Variants in DNAH5 observed in about 807,000 individuals in gnomAD.
DNAH5 encodes the protein dynein axonemal heavy chain 5.
A neutral mutation model predicts 518.2 loss-of-function variants in DNAH5; 372 were observed. The ratio of observed to expected loss-of-function variants is 0.72; its 90% confidence interval spans 0.66 to 0.78. The LOEUF (loss-of-function observed/expected upper bound fraction) is 0.78, where lower values mean the gene tolerates loss of function less well. Ranked by LOEUF, DNAH5 falls within the 30% of genes least tolerant of loss-of-function variation. The pLI, the probability that DNAH5 is intolerant of heterozygous loss-of-function variation, is 0.00. For synonymous variants in DNAH5, 2,039 were observed against 2,025.9 expected, an observed-to-expected ratio of 1.01 and a Z score of -0.17; for missense variants, 5,523 against 5,687.0, an observed-to-expected ratio of 0.97 and a Z score of 0.93.
At position 13,841,013 on chromosome 5, in the gene DNAH5, T is replaced by C; in HGVS notation, c.5602A>G (p.Asn1868Asp). ...CTCGTGGTGACGTCTATCAATGTAT[T>C]GAGTAGCTCCAGGAAAGCCTGATTA... ...KTNQAFLELL[N>D]TLIDVTTRDL... The change falls in exon 34 of 79, where the codon AAT becomes GAT. Residue 1868 changes from asparagine to aspartate, a missense_variant. Physicochemically the swap from Asn to Asp is conservative, Grantham distance 23. Coordinates refer to ENST00000265104, the MANE Select transcript of DNAH5 (RefSeq NM_001369.3). 6.2e-7 allele frequency: 1 copy of C among 1,614,194 alleles called. No individual in the cohort carries two copies. Among genetic ancestry groups the C allele is most frequent in the Non-Finnish European group, 8.5e-7 (1 of 1,180,012 alleles).
rs144042531 is a variant in DNAH5 at position 13,769,431 on chromosome 5, G to A, written c.9720+70C>T. The A allele has an allele frequency of 3.5e-4, 419 of 1,204,532 alleles. 2 individuals are homozygous for A. In the African/African-American group the frequency reaches 5.6e-3, roughly 16 times the overall value. 74.6% of individuals were successfully genotyped at this position (1,204,532 alleles called of 1,614,324 possible). The stretch of plus-strand genomic sequence containing the variant: ...TTCACTAGTTATAGCCAGTGAATAT[G>A]CATAGATCATTAACACTTGTGAACT... On this transcript the variant is annotated intron_variant, in intron 57 of 78. Transcript: ENST00000265104.
rs753397685 is a variant in DNAH5 at position 13,867,884 on chromosome 5, C to G, written c.3943G>C (p.Glu1315Gln). Residue 1315 changes from glutamate to glutamine, a missense_variant, in exon 25 of 79, where the codon GAA becomes CAA. Glu to Gln is a conservative substitution (Grantham distance 29). Coordinates refer to ENST00000265104, the MANE Select transcript of DNAH5 (RefSeq NM_001369.3). ...AGTGAGACTAATTTATTCTGGACTT[C>G]GCCAGCACGTGCCAGCAGCTTCTCC... ...AWEKLLARAG[E>Q]VQNKLVSLQP... The G allele has an allele frequency of 1.9e-6, 3 of 1,614,048 alleles. No individual in the cohort carries two copies. The highest frequency in any genetic ancestry group is 1.1e-5 in the South Asian group (1 of 91,076).
At position 13,902,121 on chromosome 5, in the gene DNAH5, G is replaced by A. The variant is rs2151964133; in HGVS notation, c.1662C>T (p.Phe554=). 1 of 1,607,872 alleles carries A rather than the reference G, an allele frequency of 6.2e-7. No individual in the cohort carries two copies. The highest frequency in any genetic ancestry group is 1.1e-5 in the South Asian group (1 of 90,564). ...GAATCTTTGCAAATGTAACATCCATGAACTTCCGCAACTCGTTCTAAAACA... is the reference window on the plus strand; with the variant it reads ...GAATCTTTGCAAATGTAACATCCATAAACTTCCGCAACTCGTTCTAAAACA... The part of the protein sequence containing the change: ...TNDLHNELRK[F]MDVTFAKIQN... The change falls in exon 13 of 79, where the codon TTC becomes TTT. Residue 554 remains phenylalanine, a synonymous_variant. Coordinates refer to ENST00000265104, the MANE Select transcript of DNAH5 (RefSeq NM_001369.3).
intron 1 of DNAH5, among the ~76,000 whole-genome samples, chr5:14,002,620 A>G (rs922034693): frequency 7.9e-6 from 1 of 126,460 alleles, no homozygotes; most frequent in African/African-American, 2.9e-5. Context: ...ATAGATCCAT[A>G]TTTTCAAAAT....
rs771438623 is a variant in DNAH5 at position 13,768,955 on chromosome 5, T to G, written c.9897+5A>C. 26 of 1,614,008 alleles carry G rather than the reference T, an allele frequency of 1.6e-5. No individual in the cohort carries two copies. Among genetic ancestry groups the G allele is most frequent in the Non-Finnish European group, 2.2e-5 (26 of 1,179,976 alleles). On this transcript the variant is annotated splice_donor_5th_base_variant and intron_variant, in intron 58 of 78. Transcript: ENST00000265104. The stretch of plus-strand genomic sequence containing the variant: ...GCTGACATCTGTTATATCACATAGA[T>G]GCACCTGCAATGCAGCTTCTGCCTC...
chr5:14,011,323 T>C (rs1430209825), intron 1 of DNAH5, among the ~76,000 whole-genome samples: 1 of 152,104 alleles, frequency 6.6e-6, no homozygotes. Flanking sequence ...AGACAACCAA[T>C]GGCCTTTTCA....
In DNAH5 at chr5:13,811,282, T is replaced by C. The variant is rs117633176; in HGVS notation, c.7407+365A>G. On this transcript the variant is annotated intron_variant, in intron 44 of 78. Transcript: ENST00000265104. ...GTGGTTATTACACATAGCATACCAG[T>C]ATCAAAATATCTCATGTACCCCATA... 8.7e-4 allele frequency among the ~76,000 whole-genome samples: 133 copies of C among 152,338 alleles called. No individual in the cohort carries two copies. The East Asian group carries it at 0.021, about 24-fold the overall frequency.
At chr5:13,749,894 G>A (rs928283200) in intron 65 of DNAH5, among the ~76,000 whole-genome samples, 4 of 152,234 alleles carry the variant, frequency 2.6e-5, no homozygotes, top group Non-Finnish European at 2.9e-5. Context: ...TTTTGAAGGC[G>A]GTCATTACCA....
chr5:13,713,738 C>T (rs114015854), intron 75 of DNAH5, among the ~76,000 whole-genome samples: 2,115 of 151,524 alleles, frequency 0.014, 48 homozygotes, highest in African/African-American at 0.049. Flanking sequence ...TATGGTGCAT[C>T]GCATACTGCT....
intron 35 of DNAH5, among the ~76,000 whole-genome samples, chr5:13,831,673 A>T (rs951501844): frequency 1.1e-4 from 16 of 152,202 alleles, no homozygotes; most frequent in African/African-American, 3.4e-4. Flanking sequence ...ATGTATGCAG[A>T]GTCTGGATAC....
chr5:13,859,844 G>A (rs1017576625), intron 29 of DNAH5, among the ~76,000 whole-genome samples: 10 of 152,088 alleles, frequency 6.6e-5, no homozygotes, highest in Non-Finnish European at 1.2e-4. Context: ...TATAATCTAA[G>A]GAGTAGATCA....
At chr5:13,975,173 C>G (rs180303) in intron 1 of DNAH5, among the ~76,000 whole-genome samples, 31,665 of 152,012 alleles carry the variant, frequency 0.21, 4,496 homozygotes, top group African/African-American at 0.4. Context: ...GGCTGGGGAG[C>G]CCTCACAATT....
At chr5:13,958,884 A>G (rs1780956541) in intron 1 of DNAH5, among the ~76,000 whole-genome samples, 1 of 152,242 alleles carries the variant, frequency 6.6e-6, no homozygotes, top group African/African-American at 2.4e-5. Flanking sequence ...GAGAAGTCAC[A>G]CAAATCACAA....
In DNAH5 at chr5:13,865,737, T is replaced by C. The variant is rs141052175; in HGVS notation, c.4286A>G (p.Tyr1429Cys). The change falls in exon 27 of 79, where the codon TAT becomes TGT. Residue 1429 changes from tyrosine to cysteine, a missense_variant. Coordinates refer to ENST00000265104, the MANE Select transcript of DNAH5 (RefSeq NM_001369.3). ...CACCTCTGACCAAAGAATATCATAA[T>C]AGCTATTTACAGTTTCTATGACACT... ...YNSVIETVNS[Y>C]YDILWSEVNI... is the part of the protein sequence containing the mutation. 1.2e-5 allele frequency: 20 copies of C among 1,608,046 alleles called. No individual in the cohort carries two copies. In the African/African-American group the frequency reaches 2.3e-4, roughly 18 times the overall value.
intron 75 of DNAH5, among the ~76,000 whole-genome samples, chr5:13,712,826 A>T (rs1448814171): frequency 6.6e-6 from 1 of 152,098 alleles, no homozygotes; most frequent in Non-Finnish European, 1.5e-5. Flanking sequence ...AAAACAGTAG[A>T]TGTTGGCATG....
chr5:13,976,918 T>G (rs1782304627), intron 1 of DNAH5, among the ~76,000 whole-genome samples: 1 of 152,154 alleles, frequency 6.6e-6, no homozygotes, highest in Non-Finnish European at 1.5e-5. Context: ...TAAAATATAT[T>G]GGTCTGGTTA....
chr5:13,702,292 T>C (rs1175571170), intron 76 of DNAH5, among the ~76,000 whole-genome samples: 1 of 152,214 alleles, frequency 6.6e-6, no homozygotes, highest in East Asian at 1.9e-4. Context: ...AAGAATTAAT[T>C]TGCCTATTTT....
At chr5:13,947,343 T>C (rs747334306), upstream of DNAH5, among the ~76,000 whole-genome samples, 1 of 152,208 alleles carries the variant, frequency 6.6e-6, no homozygotes, top group African/African-American at 2.4e-5. Flanking sequence ...TATGGCTTAA[T>C]AGAAAAGTGC....
chr5:13,886,165 T>A lies in DNAH5; in HGVS notation c.2578-36A>T, dbSNP rs199959119. 1,112 of 1,530,352 alleles carry A rather than the reference T, an allele frequency of 7.3e-4. 3 individuals carry two copies. In the Middle Eastern group the frequency reaches 0.011, roughly 15 times the overall value. 94.8% of individuals were successfully genotyped at this position (1,530,352 alleles called of 1,614,324 possible). A position where few individuals can be genotyped will look rare whatever the true frequency, so the allele number is the denominator to read the frequency against. ...AAAAAAAAAAAAAAAGATAGCACAG[T>A]GGTATATGGTTTATCTAGCTTTTGA... On this transcript the variant is annotated intron_variant, in intron 17 of 78. Coordinates refer to ENST00000265104, the MANE Select transcript of DNAH5 (RefSeq NM_001369.3).
Sources: allele counts gnomAD v4.1 joint callset (sites outside exome capture counted in the v4.1 genomes callset), GRCh38; gene constraint gnomAD v4.1.1; transcripts MANE v1.5; gene names NCBI Gene and HGNC (gene_info 2026-07-23, HGNC 2026-07-21).